Variants in MPP7 observed in about 807,000 individuals in gnomAD.
MPP7 encodes MAGUK p55 scaffold protein 7.
MPP7 carries 60 observed loss-of-function variants against 76.5 expected under a neutral mutation model. The observed-to-expected ratio is 0.78, with a 90% CI of 0.64 to 0.97. The LOEUF (loss-of-function observed/expected upper bound fraction) is 0.97. Among genes scored for constraint, MPP7 ranks in the 50% least tolerant of loss-of-function variants. The probability of loss-of-function intolerance (pLI) is 0.00; values close to 1 mark genes in which losing one functional copy is unlikely to be tolerated. For missense variants in MPP7, 641 were observed against 694.0 expected (o/e 0.92, Z 0.86); for synonymous variants, 237 against 244.5 (o/e 0.97, Z 0.29).
chr10:28,150,832 A>T (rs547185181), intron 3 of MPP7, among the ~76,000 whole-genome samples: 99 of 152,304 alleles, frequency 6.5e-4, no homozygotes, highest in African/African-American at 2.3e-3. Flanking sequence ...CATAAATCCC[A>T]TGTAAGACAC....
At position 28,051,436 on chromosome 10, in the gene MPP7, C is replaced by T. The variant is rs1233010558; in HGVS notation, c.*2629G>A. On this transcript the variant is annotated 3_prime_UTR_variant, in exon 17 of 17. Coordinates refer to ENST00000683449, the MANE Select transcript of MPP7 (RefSeq NM_001318170.2). ...AATAAGGGTAAAAAATTAAATTTTACTTTCACCTTTTTATGTTTGATTGAC... is the reference window on the plus strand; with the variant it reads ...AATAAGGGTAAAAAATTAAATTTTATTTTCACCTTTTTATGTTTGATTGAC... The T allele has an allele frequency of 6.6e-6, 1 of 152,132 alleles. No individual in the cohort carries two copies. Among genetic ancestry groups the T allele is most frequent in the African/African-American group, 2.4e-5 (1 of 41,430 alleles). The allele number at this position is 152,132 out of a possible 1,614,324, so 9.4% of individuals were successfully genotyped here. A position where few individuals can be genotyped will look rare whatever the true frequency, so the allele number is the denominator to read the frequency against.
In MPP7 at chr10:28,167,602, G is replaced by A. The variant is rs147296841; in HGVS notation, c.157-17543C>T. ...ATATCCATGTAACAAACCTACACGCGTACCTACTGATCTAAAATTTAAAAA... is the reference window on the plus strand; with the variant it reads ...ATATCCATGTAACAAACCTACACGCATACCTACTGATCTAAAATTTAAAAA... On this transcript the variant is annotated intron_variant, in intron 3 of 16. Coordinates refer to ENST00000683449, the MANE Select transcript of MPP7 (RefSeq NM_001318170.2). Among the ~76,000 whole-genome samples the A allele has an allele frequency of 5.9e-3, 896 of 152,100 alleles. 10 individuals carry two copies. Among genetic ancestry groups the A allele is most frequent in the African/African-American group, 0.02 (813 of 41,460 alleles).
At chr10:28,132,414 C>T (rs1332377336) in intron 5 of MPP7, among the ~76,000 whole-genome samples, 2 of 152,034 alleles carry the variant, frequency 1.3e-5, no homozygotes, top group Admixed American at 6.6e-5. Context: ...TCTCAATAAC[C>T]AATATATATT....
intron 11 of MPP7, among the ~76,000 whole-genome samples, chr10:28,094,887 G>A (rs112261270): frequency 0.022 from 3,379 of 152,190 alleles, 122 homozygotes; most frequent in African/African-American, 0.075. Context: ...TCCAGGAGGT[G>A]GAGGTTGCAG....
At chr10:28,155,493 A>G (rs1461101553) in intron 3 of MPP7, among the ~76,000 whole-genome samples, 2 of 151,238 alleles carry the variant, frequency 1.3e-5, no homozygotes, top group African/African-American at 4.9e-5. Context: ...GGGAGGCTGA[A>G]GTGGGCAGAC....
At chr10:28,298,041 G>A (rs1157429264) in intron 1 of MPP7, among the ~76,000 whole-genome samples, 1 of 152,164 alleles carries the variant, frequency 6.6e-6, no homozygotes, top group East Asian at 1.9e-4. Context: ...CTAGTTCTCA[G>A]TATACTATTT....
intron 1 of MPP7, among the ~76,000 whole-genome samples, chr10:28,242,001 A>G (rs565714856): frequency 3.1e-4 from 47 of 152,326 alleles, no homozygotes; most frequent in Middle Eastern, 3.4e-3. Context: ...GGTCAACCAC[A>G]GAAGTGCAAG....
At chr10:28,127,745 G>A (rs1373098593) in intron 6 of MPP7, among the ~76,000 whole-genome samples, 7 of 152,302 alleles carry the variant, frequency 4.6e-5, no homozygotes, top group South Asian at 4.1e-4. Context: ...ACACAGAGCC[G>A]AACCCTATCA....
intron 3 of MPP7, among the ~76,000 whole-genome samples, chr10:28,181,335 T>C (rs1026734583): frequency 2.6e-5 from 4 of 152,246 alleles, no homozygotes; most frequent in African/African-American, 7.2e-5. Flanking sequence ...TCCTATTTTA[T>C]TGACATGCAG....
intron 1 of MPP7, among the ~76,000 whole-genome samples, chr10:28,273,861 G>A (rs1307250393): frequency 1.3e-5 from 2 of 152,156 alleles, no homozygotes; most frequent in African/African-American, 2.4e-5. Flanking sequence ...CAGGCATGGT[G>A]GTGCACACTT....
intron 1 of MPP7, among the ~76,000 whole-genome samples, chr10:28,297,690 C>A (rs1841065795): frequency 6.6e-6 from 1 of 151,974 alleles, no homozygotes; most frequent in Non-Finnish European, 1.5e-5. Context: ...CAGAGCGAGA[C>A]TCCGTCTCAA....
In MPP7 at chr10:28,207,419, G is replaced by A. The variant is rs1273268117; in HGVS notation, c.38-5148C>T. On this transcript the variant is annotated intron_variant, in intron 2 of 16. Coordinates refer to ENST00000683449, the MANE Select transcript of MPP7 (RefSeq NM_001318170.2). ...GTCAGAAAAGGTTATATTGGGGGCTGGGCACAGTGGCTCACTCCTCTCAGC... is the reference window on the plus strand; with the variant it reads ...GTCAGAAAAGGTTATATTGGGGGCTAGGCACAGTGGCTCACTCCTCTCAGC... Among the ~76,000 whole-genome samples the A allele has an allele frequency of 3.3e-5, 5 of 152,250 alleles. 1 individual carries two copies. In the East Asian group the frequency reaches 9.7e-4, roughly 29 times the overall value.
At chr10:28,321,548 T>C (rs994146663) in intron 2 of MPP7, among the ~76,000 whole-genome samples, 2 of 152,200 alleles carry the variant, frequency 1.3e-5, no homozygotes, top group South Asian at 4.1e-4. Context: ...TCACTGTCAT[T>C]CTAAATCCTT....
At chr10:28,071,727 A>G (rs1433451324) in intron 12 of MPP7, among the ~76,000 whole-genome samples, 1 of 152,174 alleles carries the variant, frequency 6.6e-6, no homozygotes, top group African/African-American at 2.4e-5. Context: ...AAACCTAACC[A>G]AGTCAGATGT....
At chr10:28,167,305 T>G (rs571954089) in intron 3 of MPP7, among the ~76,000 whole-genome samples, 1,389 of 94,276 alleles carry the variant, frequency 0.015, 29 homozygotes, top group African/African-American at 0.056. Flanking sequence ...AGTGAGGCTC[T>G]GCCTCAAAAA....
At chr10:28,069,880 T>C (rs376673713) in intron 12 of MPP7, 28 bp from the exon 13 acceptor site, 18 of 1,561,726 alleles carry the variant, frequency 1.2e-5, no homozygotes, top group Non-Finnish European at 1.4e-5. Flanking sequence ...AGAAATTCAT[T>C]ATTGGACAAA....
At chr10:28,214,314 G>C (rs535619229) in intron 2 of MPP7, among the ~76,000 whole-genome samples, 2 of 152,260 alleles carry the variant, frequency 1.3e-5, no homozygotes, top group South Asian at 2.1e-4. Flanking sequence ...TTAATTTCCT[G>C]ATGACTGCTA....
intron 1 of MPP7, among the ~76,000 whole-genome samples, chr10:28,268,250 G>C (rs1163731102): frequency 6.6e-6 from 1 of 152,116 alleles, no homozygotes; most frequent in Non-Finnish European, 1.5e-5. Flanking sequence ...GAAGGTACAA[G>C]AAGAATTCAG....
At chr10:28,118,387 G>A (rs1834724755) in intron 11 of MPP7, 1 of 980,560 alleles carries the variant, frequency 1.0e-6, no homozygotes, top group Non-Finnish European at 1.2e-6. Flanking sequence ...AAAAAGAGTT[G>A]AGTATGGATC....
Sources: allele counts gnomAD v4.1 joint callset (sites outside exome capture counted in the v4.1 genomes callset), GRCh38; gene constraint gnomAD v4.1.1; transcripts MANE v1.5; gene names NCBI Gene and HGNC (gene_info 2026-07-23, HGNC 2026-07-21).